SCAMP1: variants seen among roughly 807,000 people sequenced by gnomAD.
SCAMP1 encodes secretory carrier membrane protein 1.
In SCAMP1, 15 loss-of-function variants were observed where a neutral mutation model predicts 41.8. The ratio of observed to expected loss-of-function variants is 0.36; its 90% CI spans 0.24 to 0.55. The LOEUF is 0.55. Among genes scored for constraint, SCAMP1 ranks in the 20% least tolerant of loss-of-function variants. The probability of loss-of-function intolerance (pLI) is 0.86; values close to 1 mark genes in which losing one functional copy is unlikely to be tolerated. For synonymous variants in SCAMP1, 135 were observed against 136.8 expected (o/e 0.99, Z 0.09); for missense variants, 341 against 412.6 (o/e 0.83, Z 1.50).
rs1159493749 is a variant in SCAMP1 at position 78,477,765 on chromosome 5, G to T, written c.*2097G>T. On this transcript the variant is annotated 3_prime_UTR_variant, in exon 9 of 9. Transcript: ENST00000621999. The stretch of plus-strand genomic sequence containing the variant: ...AGTTATTTAATATGAGTTTGAGAGA[G>T]AAAATTGTTTTTTAAAAATATATGT... 4 of 152,074 alleles carry T rather than the reference G, an allele frequency of 2.6e-5. No individual in the cohort carries two copies. Among genetic ancestry groups the T allele is most frequent in the Admixed American group, 2.0e-4 (3 of 15,258 alleles). The allele number at this position is 152,074 out of a possible 1,614,324, so 9.4% of individuals were successfully genotyped here. A position where few individuals can be genotyped will look rare whatever the true frequency, so the allele number is the denominator to read the frequency against.
At chr5:78,468,744 C>A (rs1409463139) in intron 8 of SCAMP1, among the ~76,000 whole-genome samples, 2 of 152,228 alleles carry the variant, frequency 1.3e-5, no homozygotes, top group South Asian at 4.1e-4. Context: ...AGTATATATT[C>A]TGCAGATACT....
At chr5:78,389,435 T>A (rs939941617) in intron 2 of SCAMP1, among the ~76,000 whole-genome samples, 3 of 152,150 alleles carry the variant, frequency 2.0e-5, no homozygotes, top group African/African-American at 7.2e-5. Context: ...TTTTTTCTTT[T>A]AAAAATTTAT....
At chr5:78,460,576 C>G (rs1403171800) in intron 8 of SCAMP1, among the ~76,000 whole-genome samples, 6 of 119,388 alleles carry the variant, frequency 5.0e-5, no homozygotes. Context: ...ATATCCTTTG[C>G]CTACTTTTTA....
At chr5:78,363,065 T>C (rs1750700993) in intron 1 of SCAMP1, among the ~76,000 whole-genome samples, 1 of 151,306 alleles carries the variant, frequency 6.6e-6, no homozygotes. Context: ...GCTAATTCTT[T>C]GTATTTTTAG....
chr5:78,414,861 C>T (rs1023892199), intron 2 of SCAMP1, among the ~76,000 whole-genome samples: 2 of 152,068 alleles, frequency 1.3e-5, no homozygotes, highest in African/African-American at 4.8e-5. Context: ...AGAGCACTGG[C>T]ATGTAGCTTT....
At chr5:78,428,977 C>T (rs944027808) in intron 6 of SCAMP1, among the ~76,000 whole-genome samples, 1 of 152,070 alleles carries the variant, frequency 6.6e-6, no homozygotes, top group Non-Finnish European at 1.5e-5. Flanking sequence ...ACCTTGCTAA[C>T]CTCCTTCACT....
At chr5:78,469,890 T>TAAAAAAAAAAAAAAAAAAAAAAA (rs141989832) in intron 8 of SCAMP1, among the ~76,000 whole-genome samples, 2 of 15,018 alleles carry the variant, frequency 1.3e-4, no homozygotes, top group Admixed American at 1.1e-3. Flanking sequence ...TACAAGACAT[T>TAAAAAAAAAAAAAAAAAAAAAAA]AAAAAAAAAA....
chr5:78,424,144 G>A (rs1344432727), intron 6 of SCAMP1, among the ~76,000 whole-genome samples: 4 of 152,080 alleles, frequency 2.6e-5, no homozygotes, highest in Non-Finnish European at 1.5e-5. Context: ...CCAAAGTGCT[G>A]GGATTACAGA....
At chr5:78,417,760 G>C (rs531724607) in intron 4 of SCAMP1, among the ~76,000 whole-genome samples, 1 of 152,092 alleles carries the variant, frequency 6.6e-6, no homozygotes, top group Non-Finnish European at 1.5e-5. Flanking sequence ...TCTTCTTTAC[G>C]AGTATTCACT....
rs1176951017 is a variant in SCAMP1, at chr5:78,450,021, A to G, written c.721A>G (p.Asn241Asp). The change falls in exon 7 of 9, where the codon AAC becomes GAC. Residue 241 changes from asparagine (N) to aspartate (D), a missense_variant. Coordinates refer to ENST00000621999, the MANE Select transcript of SCAMP1 (RefSeq NM_004866.6). ...TGTACTCCAAGCTGCAGGATTTCAT[A>G]ACTGGGGCAATTGGTAAGTTTTTTT... is the stretch of plus-strand genomic sequence containing the variant. The part of the protein sequence containing the change: ...VHVLQAAGFH[N>D]WGNCGWISSL... 6.4e-7 allele frequency: 1 copy of G among 1,553,530 alleles called. No individual in the cohort carries two copies. The highest frequency in any genetic ancestry group is 1.4e-5 in the African/African-American group (1 of 70,816).
At position 78,388,870 on chromosome 5, in the gene SCAMP1, C is replaced by A. The variant is rs771222877; in HGVS notation, c.91C>A (p.Pro31Thr). Residue 31 changes from proline to threonine, a missense_variant, in exon 2 of 9, where the codon CCA becomes ACA. Physicochemically the swap from Pro to Thr is conservative, Grantham distance 38 (BLOSUM62 -1). Coordinates refer to ENST00000621999, the MANE Select transcript of SCAMP1 (RefSeq NM_004866.6). ...AGTTACACAAGTGACAAGAAATGTT[C>A]CACCAGGACTTGATGAATATAATCC... ...PSVTQVTRNV[P>T]PGLDEYNPFS... The A allele has an allele frequency of 1.9e-6, 3 of 1,562,194 alleles. No individual in the cohort carries two copies. The highest frequency in any genetic ancestry group is 1.1e-5 in the South Asian group (1 of 87,890).
intron 6 of SCAMP1, among the ~76,000 whole-genome samples, chr5:78,448,392 A>G (rs1309930736): frequency 6.6e-6 from 1 of 151,580 alleles, no homozygotes; most frequent in Non-Finnish European, 1.5e-5. Context: ...ATCTTTGTCA[A>G]GGATATATCT....
Position 78,450,040 on chromosome 5 carries a change from T to G in SCAMP1, c.734+6T>G, listed in dbSNP as rs1297486621. 5 of 1,195,054 alleles carry G rather than the reference T, an allele frequency of 4.2e-6. No individual in the cohort carries two copies. In the South Asian group the frequency reaches 7.6e-5, roughly 18 times the overall value. 74.0% of individuals were successfully genotyped at this position (1,195,054 alleles called of 1,614,324 possible). The stretch of plus-strand genomic sequence containing the variant: ...TTTCATAACTGGGGCAATTGGTAAG[T>G]TTTTTTTTTTACTAGTTTTCAGCTT... On this transcript the variant is annotated splice_donor_region_variant and intron_variant, in intron 7 of 8. Transcript: ENST00000621999.
intron 1 of SCAMP1, among the ~76,000 whole-genome samples, chr5:78,384,380 T>C (rs1053921120): frequency 6.6e-6 from 1 of 152,154 alleles, no homozygotes; most frequent in Non-Finnish European, 1.5e-5. Context: ...TTTCTAGGTA[T>C]ATGATCATGT....
At chr5:78,458,572 T>A (rs1753495396) in intron 7 of SCAMP1, among the ~76,000 whole-genome samples, 1 of 152,178 alleles carries the variant, frequency 6.6e-6, no homozygotes, top group African/African-American at 2.4e-5. Context: ...TCAGCAGAAT[T>A]GAAAATAAAC....
chr5:78,409,825 A>C (rs1411077698), intron 2 of SCAMP1, among the ~76,000 whole-genome samples: 1 of 152,168 alleles, frequency 6.6e-6, no homozygotes, highest in African/African-American at 2.4e-5. Context: ...AAAGTAATAC[A>C]GCATTTATAG....
At chr5:78,440,249 G>A (rs1752884843) in intron 6 of SCAMP1, among the ~76,000 whole-genome samples, 1 of 152,116 alleles carries the variant, frequency 6.6e-6, no homozygotes, top group Non-Finnish European at 1.5e-5. Context: ...TTCCCTTGCT[G>A]GTGAGGAGCT....
chr5:78,389,066 A>G (rs1751422501), intron 2 of SCAMP1, among the ~76,000 whole-genome samples, 152 bp downstream of exon 2: 1 of 152,208 alleles, frequency 6.6e-6, no homozygotes. Flanking sequence ...TTTTTTTAAT[A>G]TGTAGAAATA....
chr5:78,473,074 A>C (rs979657576), intron 8 of SCAMP1, among the ~76,000 whole-genome samples: 6 of 152,166 alleles, frequency 3.9e-5, no homozygotes, highest in Admixed American at 2.0e-4. Context: ...TTTCCATAGA[A>C]AACTTGGTTT....
Sources: allele counts gnomAD v4.1 joint callset (sites outside exome capture counted in the v4.1 genomes callset), GRCh38; gene constraint gnomAD v4.1.1; transcripts MANE v1.5; gene names NCBI Gene and HGNC (gene_info 2026-07-23, HGNC 2026-07-21).